The following KIAA1549 variants were observed in gnomAD, a reference collection of about 807,000 sequenced individuals.
KIAA1549 encodes the protein KIAA1549, also known as UPF0606 protein KIAA1549.
In KIAA1549, 70 loss-of-function variants were observed where a neutral mutation model predicts 156.4. That is an observed-to-expected ratio of 0.45 (90% CI 0.37 to 0.55). The LOEUF (loss-of-function observed/expected upper bound fraction) is 0.55, where lower values mean the gene tolerates loss of function less well. Among genes scored for constraint, KIAA1549 ranks in the 20% least tolerant of loss-of-function variants. The pLI is 0.00. For missense variants in KIAA1549, 2,428 were observed against 2,540.9 expected, an observed-to-expected ratio of 0.96 and a Z score of 0.96; for synonymous variants, 1,103 against 1,066.4, an observed-to-expected ratio of 1.03 and a Z score of -0.67.
chr7:138,866,644 C>T (rs766156735), intron 15 of KIAA1549, among the ~76,000 whole-genome samples: 2 of 152,172 alleles, frequency 1.3e-5, no homozygotes, highest in Non-Finnish European at 2.9e-5. Context: ...TCTCTGTCTT[C>T]GGGTATCTTT....
At position 138,960,306 on chromosome 7, in the gene KIAA1549, T is replaced by G. The variant is rs569012249; in HGVS notation, c.187+20777A>C. Among the ~76,000 whole-genome samples, 112 of 151,578 alleles carry G rather than the reference T, an allele frequency of 7.4e-4. No homozygotes were observed. The East Asian group carries it at 9.5e-3, about 13-fold the overall frequency. On this transcript the variant is annotated intron_variant, in intron 1 of 19. Transcript: ENST00000422774. ...ATTTTATTTTATTGATTTATTGATT[T>G]ATTTATTTATTTATTTATTTTGAGA...
intron 1 of KIAA1549, among the ~76,000 whole-genome samples, chr7:138,957,713 G>T (rs1042054504): frequency 5.3e-5 from 8 of 152,024 alleles, no homozygotes; most frequent in Non-Finnish European, 1.0e-4. Flanking sequence ...CCTGACCGCA[G>T]CTGATCCGCC....
chr7:138,834,144 CAT>C lies in KIAA1549; in HGVS notation c.*3760_*3761del, dbSNP rs1256162124. On this transcript the variant is annotated 3_prime_UTR_variant, in exon 20 of 20. Coordinates refer to ENST00000422774, the MANE Select transcript of KIAA1549 (RefSeq NM_001164665.2). ...TGCAACTTCTTCTGGGTGCCTAATT[CAT>C]TTATGTCTTTTGAACAAATTTTTTT... 1 of 210,082 alleles carries C rather than the reference CAT, an allele frequency of 4.8e-6. No homozygotes were observed. Among genetic ancestry groups the C allele is most frequent in the Non-Finnish European group, 9.7e-6 (1 of 103,422 alleles). 13.0% of individuals were successfully genotyped at this position (210,082 alleles called of 1,614,324 possible).
chr7:138,851,008 A>C (rs909582748), intron 17 of KIAA1549, among the ~76,000 whole-genome samples: 4 of 152,212 alleles, frequency 2.6e-5, no homozygotes, highest in African/African-American at 9.6e-5. Context: ...GGTTCTATAT[A>C]TGTCAATTAG....
intron 13 of KIAA1549, 151 bp downstream of exon 13, chr7:138,871,006 G>A: frequency 1.5e-6 from 1 of 651,210 alleles, no homozygotes; most frequent in South Asian, 1.9e-5. Context: ...TAGTAGAGAT[G>A]GCGTTTCACC....
At chr7:138,839,021 A>G (rs1809831287) in intron 19 of KIAA1549, among the ~76,000 whole-genome samples, 1 of 152,162 alleles carries the variant, frequency 6.6e-6, no homozygotes, top group South Asian at 2.1e-4. Context: ...AAAACAAAAC[A>G]CCAAAACCAA....
intron 1 of KIAA1549, among the ~76,000 whole-genome samples, chr7:138,921,922 G>C (rs1445710567): frequency 6.6e-6 from 1 of 152,268 alleles, no homozygotes; most frequent in East Asian, 1.9e-4. Context: ...CACAGAAGGA[G>C]AACACCATGT....
At chr7:138,845,957 G>A (rs1810061497) in intron 17 of KIAA1549, among the ~76,000 whole-genome samples, 1 of 151,938 alleles carries the variant, frequency 6.6e-6, no homozygotes, top group African/African-American at 2.4e-5. Flanking sequence ...AAAAGCAGTT[G>A]GTTCAGTTCA....
At chr7:138,912,323 T>G in intron 3 of KIAA1549, 49 bp downstream of exon 3, 1 of 1,372,338 alleles carries the variant, frequency 7.3e-7, no homozygotes. Context: ...GGCTCTCACA[T>G]CAGCCCCAGT....
Position 138,911,162 on chromosome 7 carries a change from C to T in KIAA1549, c.3129G>A (p.Arg1043=), listed in dbSNP as rs756306646. 71 of 1,593,576 alleles carry T rather than the reference C, an allele frequency of 4.5e-5. No homozygotes were observed. The highest frequency in any genetic ancestry group is 5.7e-5 in the Non-Finnish European group (67 of 1,170,488). The part of the protein sequence containing the change: ...VKPSFLVPES[R]FQVQTVLQFV... ...CTGTCTCACCTGTTTGAACTTGGAA[C>T]CTGGACTCTGGCACAAGGAAAGAAG... The change falls in exon 4 of 20, where the codon AGG becomes AGA. Residue 1043 remains arginine, a synonymous_variant. Transcript: ENST00000422774.
At chr7:138,937,886 G>A (rs940029149) in intron 1 of KIAA1549, among the ~76,000 whole-genome samples, 2 of 152,168 alleles carry the variant, frequency 1.3e-5, no homozygotes, top group South Asian at 2.1e-4. Flanking sequence ...ACACCATCAA[G>A]GAAGGTGGGG....
intron 1 of KIAA1549, among the ~76,000 whole-genome samples, chr7:138,976,371 G>A (rs1395379376): frequency 1.3e-5 from 2 of 151,632 alleles, no homozygotes; most frequent in Non-Finnish European, 2.9e-5. Flanking sequence ...TCAACATAAC[G>A]ATTTTAAATT....
rs1212546845 is a variant in KIAA1549, at chr7:138,871,058, C to G, written c.4551+99G>C. The G allele has an allele frequency of 2.7e-6, 3 of 1,123,652 alleles. No individual in the cohort carries two copies. In the African/African-American group the frequency reaches 4.7e-5, roughly 18 times the overall value. 69.6% of individuals were successfully genotyped at this position (1,123,652 alleles called of 1,614,324 possible). On this transcript the variant is annotated intron_variant, in intron 13 of 19. Coordinates refer to ENST00000422774, the MANE Select transcript of KIAA1549 (RefSeq NM_001164665.2). ...TCTCAAACTCCCGACCTCAGGCGATCTGCCTGCCTTGGCCCCCCCAAGTGC... is the reference window on the plus strand; with the variant it reads ...TCTCAAACTCCCGACCTCAGGCGATGTGCCTGCCTTGGCCCCCCCAAGTGC...
intron 1 of KIAA1549, 112 bp from the exon 2 acceptor site, chr7:138,919,550 T>C: frequency 6.7e-7 from 1 of 1,495,148 alleles, no homozygotes; most frequent in Non-Finnish European, 8.9e-7. Context: ...TCACCATAAA[T>C]ATCCATGAAT....
At chr7:138,865,738 C>T (rs951128143) in intron 15 of KIAA1549, among the ~76,000 whole-genome samples, 54 of 152,038 alleles carry the variant, frequency 3.6e-4, no homozygotes, top group African/African-American at 1.3e-3. Context: ...GCAAAGCTAC[C>T]GCAAAAGAAG....
intron 1 of KIAA1549, among the ~76,000 whole-genome samples, chr7:138,924,946 C>G (rs906305009): frequency 1.3e-5 from 2 of 152,162 alleles, no homozygotes; most frequent in African/African-American, 4.8e-5. Flanking sequence ...GCCTGAATGA[C>G]GCTGGACCCC....
At position 138,948,723 on chromosome 7, in the gene KIAA1549, G is replaced by A. The variant is rs1243690648; in HGVS notation, c.188-29285C>T. Among the ~76,000 whole-genome samples the A allele has an allele frequency of 3.8e-4, 55 of 143,496 alleles. 1 individual carries two copies. Among genetic ancestry groups the A allele is most frequent in the Non-Finnish European group, 1.5e-4 (10 of 66,564 alleles). The allele number at this position is 143,496 out of a possible 152,430, so 94.1% of individuals were successfully genotyped here. Reference sequence around the variant, plus strand: ...TTTTTTTTTTTTGAGATAGAGTTTCGCTCTCATTGCCCAGGCTGGAGTGCA... The same window carrying A: ...TTTTTTTTTTTTGAGATAGAGTTTCACTCTCATTGCCCAGGCTGGAGTGCA... On this transcript the variant is annotated intron_variant, in intron 1 of 19. Coordinates refer to ENST00000422774, the MANE Select transcript of KIAA1549 (RefSeq NM_001164665.2).
chr7:138,913,867 A>C (rs1245808290), intron 2 of KIAA1549, among the ~76,000 whole-genome samples: 1 of 151,984 alleles, frequency 6.6e-6, no homozygotes, highest in Non-Finnish European at 1.5e-5. Context: ...GAAGAGTGGC[A>C]AGAAGGAAAG....
intron 1 of KIAA1549, among the ~76,000 whole-genome samples, chr7:138,934,915 C>A (rs549920489): frequency 6.6e-6 from 1 of 152,222 alleles, no homozygotes; most frequent in East Asian, 1.9e-4. Flanking sequence ...CTCTTCAGCA[C>A]TGGCAAAATA....
Sources: gnomAD v4.1 joint callset for allele counts (sites outside exome capture counted in the v4.1 genomes callset) on GRCh38, gnomAD v4.1.1 for gene constraint, MANE v1.5 for transcripts, NCBI Gene and HGNC (gene_info 2026-07-23, HGNC 2026-07-21) for gene names.